Variants in TMEM156 observed in about 807,000 individuals in gnomAD.
The protein encoded by TMEM156 is transmembrane protein 156.
Under a neutral mutation model 30.5 loss-of-function variants are expected in TMEM156, and 28 were observed. The observed-to-expected ratio is 0.92, with a 90% CI of 0.68 to 1.26. The LOEUF (loss-of-function observed/expected upper bound fraction) is 1.26. TMEM156 is among the 50% of genes most tolerant of loss of function. The probability of loss-of-function intolerance (pLI) is 0.00; values close to 1 mark genes in which losing one functional copy is unlikely to be tolerated. For synonymous variants in TMEM156, 137 were observed against 119.9 expected, an observed-to-expected ratio of 1.14 and a Z score of -0.93; for missense variants, 351 against 340.6, an observed-to-expected ratio of 1.03 and a Z score of -0.24.
chr4:39,004,141 A>G (rs1713570683), intron 1 of TMEM156, among the ~76,000 whole-genome samples: 1 of 152,226 alleles, frequency 6.6e-6, no homozygotes, highest in Admixed American at 6.5e-5. Context: ...TATGAATTTA[A>G]CTGCTGCCAT....
intron 1 of TMEM156, among the ~76,000 whole-genome samples, chr4:39,030,217 T>C (rs796638220): frequency 3.3e-5 from 5 of 151,230 alleles, no homozygotes; most frequent in African/African-American, 1.2e-4. Context: ...AGAAAGAGTT[T>C]GGAGCATTAT....
At chr4:39,026,855 G>A (rs1448471543) in intron 1 of TMEM156, among the ~76,000 whole-genome samples, 1 of 152,008 alleles carries the variant, frequency 6.6e-6, no homozygotes, top group Non-Finnish European at 1.5e-5. Flanking sequence ...TGAACCCTGG[G>A]GTTGGAGGTT....
intron 1 of TMEM156, among the ~76,000 whole-genome samples, chr4:39,012,958 G>GA (rs200077625): frequency 6.6e-6 from 1 of 151,002 alleles, no homozygotes; most frequent in African/African-American, 2.4e-5. Flanking sequence ...AAAAAGGAAA[G>GA]AAAAAAAGAA....
At chr4:39,031,889 AATAAAAAAT>A (rs1397778492) in intron 1 of TMEM156, among the ~76,000 whole-genome samples, 2 of 21,046 alleles carry the variant, frequency 9.5e-5, no homozygotes, top group African/African-American at 5.7e-4. Flanking sequence ...AAAAAAAAAA[AATAAAAAAT>A]AAAAAAATAA....
At chr4:39,023,757 G>A (rs1715020467) in intron 1 of TMEM156, among the ~76,000 whole-genome samples, 1 of 152,182 alleles carries the variant, frequency 6.6e-6, no homozygotes, top group Non-Finnish European at 1.5e-5. Flanking sequence ...AGGAGGCTGA[G>A]GCAGGAGAAT....
chr4:39,020,365 A>T (rs1714778624), intron 1 of TMEM156, among the ~76,000 whole-genome samples: 1 of 151,962 alleles, frequency 6.6e-6, no homozygotes, highest in Admixed American at 6.6e-5. Flanking sequence ...CTTTCCTTCA[A>T]ATATAACCAG....
intron 3 of TMEM156, 65 bp from the exon 4 acceptor site, chr4:38,989,035 C>T: frequency 1.3e-6 from 2 of 1,528,418 alleles, no homozygotes; most frequent in Non-Finnish European, 1.8e-6. Context: ...GGCAATGTGG[C>T]AGTGTAGCTG....
intron 4 of TMEM156, among the ~76,000 whole-genome samples, chr4:38,988,155 C>T (rs1022449272): frequency 6.6e-6 from 1 of 152,154 alleles, no homozygotes; most frequent in Non-Finnish European, 1.5e-5. Context: ...TCTGATACCC[C>T]CATGCTTATT....
intron 1 of TMEM156, among the ~76,000 whole-genome samples, chr4:39,024,522 G>T (rs1160499867): frequency 6.6e-6 from 1 of 152,222 alleles, no homozygotes; most frequent in Non-Finnish European, 1.5e-5. Flanking sequence ...CATGTCCTTT[G>T]CAGAAACATA....
intron 1 of TMEM156, among the ~76,000 whole-genome samples, chr4:39,005,865 T>C (rs1049916162): frequency 1.3e-5 from 2 of 152,234 alleles, no homozygotes; most frequent in Non-Finnish European, 2.9e-5. Context: ...AAATGGTTTG[T>C]ATCAATTTAT....
In TMEM156 at chr4:38,971,131, G is replaced by A. The variant is rs1560352122; in HGVS notation, c.830C>T (p.Thr277Ile). The A allele has an allele frequency of 1.2e-6, 2 of 1,613,960 alleles. No homozygotes were observed. The highest frequency in any genetic ancestry group is 2.2e-5 in the South Asian group (2 of 91,074). ...TTGATCCAAAGGCAGCCTCTGCGTGGTCTCTGCTATTTAAGAAGGAGAACT... is the reference window on the plus strand; with the variant it reads ...TTGATCCAAAGGCAGCCTCTGCGTGATCTCTGCTATTTAAGAAGGAGAACT... Reference protein sequence around the residue: ...ALNVQVLSAETTQRLPLDQVQ... With the variant: ...ALNVQVLSAEITQRLPLDQVQ... The change falls in exon 6 of 7, where the codon ACC becomes ATC. Residue 277 changes from threonine to isoleucine, a missense_variant. Coordinates refer to ENST00000381938, the MANE Select transcript of TMEM156 (RefSeq NM_024943.3).
chr4:38,978,330 C>T (rs1365821312), intron 5 of TMEM156, among the ~76,000 whole-genome samples: 6 of 152,112 alleles, frequency 3.9e-5, no homozygotes, highest in Admixed American at 1.3e-4. Flanking sequence ...CCCTCTGTGC[C>T]CTCCACGTCC....
intron 1 of TMEM156, among the ~76,000 whole-genome samples, chr4:39,017,661 T>C (rs1266648701): frequency 6.6e-6 from 1 of 152,176 alleles, no homozygotes; most frequent in East Asian, 1.9e-4. Context: ...AAATAATGGA[T>C]TTATAATTGT....
chr4:39,012,708 G>C (rs1376772876), intron 1 of TMEM156, among the ~76,000 whole-genome samples: 1 of 152,138 alleles, frequency 6.6e-6, no homozygotes, highest in East Asian at 1.9e-4. Context: ...GGGAGGCTGA[G>C]GCGGGCAGAT....
chr4:39,027,658 C>A (rs940385124), intron 1 of TMEM156, among the ~76,000 whole-genome samples: 11 of 149,042 alleles, frequency 7.4e-5, no homozygotes, highest in African/African-American at 1.7e-4. Context: ...CAGGCTCAAG[C>A]GATTCTCCTG....
intron 1 of TMEM156, among the ~76,000 whole-genome samples, chr4:39,021,518 A>G (rs565987741): frequency 1.6e-4 from 25 of 152,312 alleles, no homozygotes; most frequent in African/African-American, 4.6e-4. Context: ...TTGCTGTTGC[A>G]TTGTCTGAAT....
intron 1 of TMEM156, among the ~76,000 whole-genome samples, chr4:39,002,776 T>C (rs1263988718): frequency 1.3e-5 from 2 of 150,664 alleles, no homozygotes; most frequent in Non-Finnish European, 1.5e-5. Flanking sequence ...CAGTAAACTA[T>C]TGCAAGAACA....
At chr4:38,996,085 A>AT (rs1299779571) in intron 2 of TMEM156, among the ~76,000 whole-genome samples, 1 of 152,282 alleles carries the variant, frequency 6.6e-6, no homozygotes, top group Middle Eastern at 3.4e-3. Flanking sequence ...AATTGCAAAA[A>AT]ATATATATAT....
chr4:39,021,666 T>C (rs2110057073), intron 1 of TMEM156, among the ~76,000 whole-genome samples: 1 of 152,338 alleles, frequency 6.6e-6, no homozygotes, highest in African/African-American at 2.4e-5. Flanking sequence ...TGTATATGTC[T>C]GCTTTTGTTG....
Sources: allele counts gnomAD v4.1 joint callset (sites outside exome capture counted in the v4.1 genomes callset), GRCh38; gene constraint gnomAD v4.1.1; transcripts MANE v1.5; gene names NCBI Gene and HGNC (gene_info 2026-07-23, HGNC 2026-07-21).